The following PEAK1 variants were observed in gnomAD, a reference collection of about 807,000 sequenced individuals.
PEAK1 encodes the protein inactive tyrosine-protein kinase PEAK1.
PEAK1 carries 54 observed loss-of-function variants against 124.7 expected under a neutral mutation model. The observed-to-expected ratio is 0.43, with a 90% CI of 0.35 to 0.54. The LOEUF is 0.54. PEAK1 is among the 20% of genes least tolerant of loss of function. The probability of loss-of-function intolerance (pLI) is 0.01; values close to 1 mark genes in which losing one functional copy is unlikely to be tolerated. For synonymous variants in PEAK1, 719 were observed against 760.0 expected (o/e 0.95, Z 0.89); for missense variants, 2,046 against 2,134.5 (o/e 0.96, Z 0.82).
Position 77,274,136 on chromosome 15 carries a change from C to T in PEAK1, c.-275+9747G>A, listed in dbSNP as rs570405079. ...ATACAAAAATCCACTCGAAATGGAC[C>T]AAAGATTTACATCTGAGACATGAAA... On this transcript the variant is annotated intron_variant, in intron 5 of 9. Coordinates refer to ENST00000682557, the MANE Select transcript of PEAK1 (RefSeq NM_001385026.1). Among the ~76,000 whole-genome samples, 3 of 152,096 alleles carry T rather than the reference C, an allele frequency of 2.0e-5. No homozygotes were observed. The East Asian group carries it at 5.8e-4, about 29-fold the overall frequency.
In PEAK1 at chr15:77,179,236, G is replaced by C; in HGVS notation, c.2691C>G (p.Thr897=). Reference sequence around the variant, plus strand: ...CAGCTTCTGTTGACCTGGTAGGGCTGGTTGGCTTGGTCCAGTTGGTGAAAT... The same window carrying C: ...CAGCTTCTGTTGACCTGGTAGGGCTCGTTGGCTTGGTCCAGTTGGTGAAAT... ...QRHFTNWTKP[T]SPTRSTEAES... The change falls in exon 7 of 10, where the codon ACC becomes ACG. Residue 897 remains threonine (T), a synonymous_variant. Coordinates refer to ENST00000682557, the MANE Select transcript of PEAK1 (RefSeq NM_001385026.1). The C allele has an allele frequency of 5.0e-6, 8 of 1,614,170 alleles. No homozygotes were observed. The highest frequency in any genetic ancestry group is 5.9e-6 in the Non-Finnish European group (7 of 1,180,028).
chr15:77,371,919 C>T (rs1411446141), intron 1 of PEAK1, among the ~76,000 whole-genome samples: 1 of 152,178 alleles, frequency 6.6e-6, no homozygotes, highest in Non-Finnish European at 1.5e-5. Flanking sequence ...AAACAGAAAA[C>T]AGTCACTTAT....
At chr15:77,206,332 G>A (rs1255241125) in intron 6 of PEAK1, among the ~76,000 whole-genome samples, 6 of 149,036 alleles carry the variant, frequency 4.0e-5, no homozygotes, top group Non-Finnish European at 7.4e-5. Context: ...AGTCCTTTGG[G>A]TATATACCCA....
chr15:77,133,457 C>T lies in PEAK1; in HGVS notation c.3625G>A (p.Gly1209Arg). The T allele has an allele frequency of 1.2e-6, 2 of 1,614,208 alleles. No individual in the cohort carries two copies. ...GAGTCATAAGACTCAATGTCCAGTC[C>T]TTTGAGTTCATAGCTGATGGAAGAA... Reference protein sequence around the residue: ...AGSSISYELKGLDIESYDSLE... With the variant: ...AGSSISYELKRLDIESYDSLE... The change falls in exon 9 of 10, where the codon GGA becomes AGA. Residue 1209 changes from glycine (G) to arginine (R), a missense_variant. Physicochemically the swap from Gly to Arg is moderately radical, Grantham distance 125. Coordinates refer to ENST00000682557, the MANE Select transcript of PEAK1 (RefSeq NM_001385026.1). This position sits in a 1 kb window ranked among gnomAD's most constrained non-coding sequence, Gnocchi z 4.2.
Position 77,181,361 on chromosome 15 carries a change from T to C in PEAK1, c.566A>G (p.Glu189Gly), listed in dbSNP as rs958931486. 10 of 1,614,088 alleles carry C rather than the reference T, an allele frequency of 6.2e-6. No homozygotes were observed. Among genetic ancestry groups the C allele is most frequent in the Non-Finnish European group, 8.5e-6 (10 of 1,180,038 alleles). Residue 189 changes from glutamate to glycine, a missense_variant, in exon 7 of 10, where the codon GAA (glutamate) becomes GGA (glycine). Glu to Gly is a moderately conservative substitution (Grantham distance 98, BLOSUM62 -2). Coordinates refer to ENST00000682557, the MANE Select transcript of PEAK1 (RefSeq NM_001385026.1). ...CATGCAACTTGGTGGAAGCTTTCTT[T>C]CCAATGATCGTTTATAGCAATCATT... ...RINDCYKRSLERKLPPSCMIG... is the reference protein window; with the variant it reads ...RINDCYKRSLGRKLPPSCMIG...
At chr15:77,380,481 GT>G (rs1359160973) in intron 1 of PEAK1, among the ~76,000 whole-genome samples, 4 of 152,042 alleles carry the variant, frequency 2.6e-5, no homozygotes, top group Admixed American at 1.3e-4. Context: ...GAGAAAATCA[GT>G]TTTTTGAATT....
intron 1 of PEAK1, among the ~76,000 whole-genome samples, chr15:77,388,302 C>T (rs2070133597): frequency 6.6e-6 from 1 of 152,108 alleles, no homozygotes; most frequent in Non-Finnish European, 1.5e-5. Context: ...GTTTAATTAC[C>T]AATGTGGGCT....
At position 77,352,202 on chromosome 15, in the gene PEAK1, C is replaced by T. The variant is rs555056993; in HGVS notation, c.-603+12961G>A. ...CTCCAGCCTGGGTGACAGAGCAAACCCTGTCTCAAAAAATTATTAAAATCA... is the reference window on the plus strand; with the variant it reads ...CTCCAGCCTGGGTGACAGAGCAAACTCTGTCTCAAAAAATTATTAAAATCA... On this transcript the variant is annotated intron_variant, in intron 2 of 9. Transcript: ENST00000682557. 2.3e-3 allele frequency: 2,252 copies of T among 984,946 alleles called. 3 individuals are homozygous for T. The highest frequency in any genetic ancestry group is 2.6e-3 in the Admixed American group (43 of 16,270). 61.0% of individuals were successfully genotyped at this position (984,946 alleles called of 1,614,324 possible).
At chr15:77,126,628 C>T (rs2052398945) in intron 9 of PEAK1, among the ~76,000 whole-genome samples, 1 of 152,110 alleles carries the variant, frequency 6.6e-6, no homozygotes, top group Non-Finnish European at 1.5e-5. Context: ...AACTGTTTCA[C>T]TACATAAACA....
intron 6 of PEAK1, among the ~76,000 whole-genome samples, chr15:77,190,531 C>T (rs944237023): frequency 3.1e-4 from 47 of 152,112 alleles, no homozygotes; most frequent in Non-Finnish European, 8.8e-5. Flanking sequence ...AATGTAAACA[C>T]AGGCAGGATC....
intron 8 of PEAK1, among the ~76,000 whole-genome samples, chr15:77,147,724 T>C (rs993983082): frequency 2.0e-5 from 3 of 152,142 alleles, no homozygotes; most frequent in Non-Finnish European, 4.4e-5. Context: ...CCACCCAGAG[T>C]AAAATCATCA....
intron 8 of PEAK1, among the ~76,000 whole-genome samples, chr15:77,141,125 C>T (rs1003286972): frequency 2.0e-5 from 3 of 152,080 alleles, no homozygotes; most frequent in Admixed American, 1.3e-4. Context: ...ATAATATAAT[C>T]GTGTATATTG....
intron 1 of PEAK1, among the ~76,000 whole-genome samples, chr15:77,413,722 G>A (rs1458551641): frequency 1.3e-5 from 2 of 152,220 alleles, no homozygotes; most frequent in Non-Finnish European, 2.9e-5. Flanking sequence ...AAGCTTGGTT[G>A]AAGCATCGTA....
intron 6 of PEAK1, among the ~76,000 whole-genome samples, chr15:77,217,705 C>A (rs1485117690): frequency 8.5e-5 from 13 of 152,144 alleles, no homozygotes; most frequent in Non-Finnish European, 7.4e-5. Flanking sequence ...ATCCCCAGGA[C>A]CCCAGGTTCT....
At chr15:77,232,593 A>G (rs2059954020) in intron 6 of PEAK1, among the ~76,000 whole-genome samples, 1 of 152,108 alleles carries the variant, frequency 6.6e-6, no homozygotes, top group African/African-American at 2.4e-5. Context: ...AATTCTACCA[A>G]CCTAACTGCA....
intron 8 of PEAK1, among the ~76,000 whole-genome samples, chr15:77,153,626 C>T (rs1567037795): frequency 6.6e-6 from 1 of 152,132 alleles, no homozygotes; most frequent in Non-Finnish European, 1.5e-5. Flanking sequence ...GCATTTAGTG[C>T]TATAAATTTC....
chr15:77,361,605 G>A (rs2067890213), intron 2 of PEAK1, among the ~76,000 whole-genome samples: 1 of 152,128 alleles, frequency 6.6e-6, no homozygotes, highest in Non-Finnish European at 1.5e-5. Flanking sequence ...AGAGAAAAAG[G>A]AACTCTTATA....
At chr15:77,273,846 T>G (rs1438522615) in intron 5 of PEAK1, among the ~76,000 whole-genome samples, 1 of 151,766 alleles carries the variant, frequency 6.6e-6, no homozygotes, top group African/African-American at 2.4e-5. Context: ...AAAGAACAAA[T>G]TTGGAGGCAT....
At chr15:77,266,572 A>C (rs75828219) in intron 5 of PEAK1, among the ~76,000 whole-genome samples, 2 of 152,214 alleles carry the variant, frequency 1.3e-5, no homozygotes, top group Non-Finnish European at 2.9e-5. Context: ...CAAAATGTCT[A>C]GGTTTTGATT....
Sources: gnomAD v4.1 joint callset for allele counts (sites outside exome capture counted in the v4.1 genomes callset) on GRCh38, gnomAD v4.1.1 for gene constraint, Gnocchi (gnomAD v3.1) non-coding constraint, MANE v1.5 for transcripts, NCBI Gene and HGNC (gene_info 2026-07-23, HGNC 2026-07-21) for gene names.